The following TERB1 variants were observed in gnomAD, a reference collection of about 807,000 sequenced individuals.
TERB1 encodes the protein telomere repeats-binding bouquet formation protein 1.
In TERB1, 63 loss-of-function variants were observed where a neutral mutation model predicts 92.3. The observed-to-expected ratio is 0.68, with a 90% CI of 0.56 to 0.84. TERB1 has a LOEUF of 0.84. Ranked by LOEUF, TERB1 falls within the 40% of genes least tolerant of loss-of-function variation. TERB1 has a pLI of 0.00. For missense variants in TERB1, 709 were observed against 843.7 expected, an observed-to-expected ratio of 0.84 and a Z score of 1.98; for synonymous variants, 252 against 283.9, an observed-to-expected ratio of 0.89 and a Z score of 1.13.
chr16:66,780,884 G>A (rs984979412), intron 9 of TERB1, among the ~76,000 whole-genome samples: 2 of 152,132 alleles, frequency 1.3e-5, no homozygotes, highest in Non-Finnish European at 2.9e-5. Flanking sequence ...ATGAGTATTC[G>A]TTTCAAACAC....
At chr16:66,784,722 A>T (rs945502537) in intron 9 of TERB1, among the ~76,000 whole-genome samples, 1 of 149,844 alleles carries the variant, frequency 6.7e-6, no homozygotes, top group African/African-American at 2.5e-5. Context: ...GTTTCGCAGC[A>T]TCCCACAGAT....
At chr16:66,773,267 C>T (rs1322885855) in intron 12 of TERB1, among the ~76,000 whole-genome samples, 1 of 152,068 alleles carries the variant, frequency 6.6e-6, no homozygotes, top group Non-Finnish European at 1.5e-5. Flanking sequence ...CCAGGAGGCA[C>T]AAGCTGCAGT....
rs2018114875 is a variant in TERB1 at position 66,755,093 on chromosome 16, C to T, written c.2067G>A (p.Met689Ile). 1 of 1,551,296 alleles carries T rather than the reference C, an allele frequency of 6.4e-7. No homozygotes were observed. The highest frequency in any genetic ancestry group is 8.7e-7 in the Non-Finnish European group (1 of 1,146,644). ...VNYLFNGVKK[M>I]GNHWNSILWS... ...ACAAAATTGAATTCCAGTGATTTCC[C>T]ATTTTCTTAACTCCATTGAAAAGGT... Residue 689 changes from methionine to isoleucine, a missense_variant, in exon 19 of 19, where the codon ATG (methionine) becomes ATA (isoleucine). Coordinates refer to ENST00000433154, the MANE Select transcript of TERB1 (RefSeq NM_001136505.2).
chr16:66,774,088 C>T (rs923703182), intron 12 of TERB1, among the ~76,000 whole-genome samples: 6 of 149,956 alleles, frequency 4.0e-5, no homozygotes, highest in African/African-American at 9.8e-5. Flanking sequence ...TCACCATGTT[C>T]GCCAGGCTGG....
rs1196733672 is a variant in TERB1 at position 66,790,629 on chromosome 16, G to C, written c.237C>G (p.Ala79=). 2 of 1,549,500 alleles carry C rather than the reference G, an allele frequency of 1.3e-6. No homozygotes were observed. Among genetic ancestry groups the C allele is most frequent in the East Asian group, 2.5e-5 (1 of 40,786 alleles). Residue 79 remains alanine (A), a synonymous_variant, in exon 5 of 19, where the codon GCC becomes GCG. Coordinates refer to ENST00000433154, the MANE Select transcript of TERB1 (RefSeq NM_001136505.2). ...CTGCAATAGCTCCTAATGTATATAA[G>C]GCTGCTTCTTTTACCATGCTATGTT... ...SSEHSMVKEA[A]LYTLGAIAEK...
intron 16 of TERB1, among the ~76,000 whole-genome samples, chr16:66,766,118 G>A (rs1346759921): frequency 6.6e-6 from 1 of 151,432 alleles, no homozygotes; most frequent in Non-Finnish European, 1.5e-5. Context: ...TGATCCACCC[G>A]CCTCGGCCTC....
intron 13 of TERB1, among the ~76,000 whole-genome samples, chr16:66,770,874 A>C (rs1245582193): frequency 1.3e-5 from 2 of 152,052 alleles, no homozygotes; most frequent in African/African-American, 4.8e-5. Context: ...TTTTTGAGAC[A>C]GGGTCTTGCT....
At position 66,788,237 on chromosome 16, in the gene TERB1, G is replaced by A; in HGVS notation, c.332C>T (p.Ser111Phe). ...TTTCAAATTTATGTTTGAATCATTAGATAAGAACCAAGTTAAGTCTTCAAA... is the reference window on the plus strand; with the variant it reads ...TTTCAAATTTATGTTTGAATCATTAAATAAGAACCAAGTTAAGTCTTCAAA... ...ELFEDLTWFL[S>F]NDSNINLKRM... Residue 111 changes from serine to phenylalanine, a missense_variant, in exon 6 of 19, where the codon TCT becomes TTT. Ser to Phe is a radical substitution (Grantham distance 155). Transcript: ENST00000433154. The A allele has an allele frequency of 6.6e-7, 1 of 1,511,922 alleles. No homozygotes were observed. Among genetic ancestry groups the A allele is most frequent in the Non-Finnish European group, 8.8e-7 (1 of 1,129,994 alleles). 93.7% of individuals were successfully genotyped at this position (1,511,922 alleles called of 1,614,324 possible).
intron 11 of TERB1, among the ~76,000 whole-genome samples, chr16:66,776,606 T>A: frequency 2.1e-5 from 3 of 145,854 alleles, no homozygotes; most frequent in Non-Finnish European, 3.0e-5. Context: ...AAAGTGAGAG[T>A]GGAAAGAGCA....
rs750954499 is a variant in TERB1, at chr16:66,759,184, G to C, written c.1887C>G (p.Asp629Glu). The C allele has an allele frequency of 2.1e-5, 33 of 1,550,168 alleles. No individual in the cohort carries two copies. In the Admixed American group the frequency reaches 5.5e-4, roughly 26 times the overall value. ...DRHKVIVEAE[D>E]RYKSELRKSL... ...ATTTCCTTAGTTCACTTTTATATCTGTCTTCAGCTTCCACAATGACTTTGT... is the reference window on the plus strand; with the variant it reads ...ATTTCCTTAGTTCACTTTTATATCTCTCTTCAGCTTCCACAATGACTTTGT... Residue 629 changes from aspartate to glutamate, a missense_variant, in exon 17 of 19, where the codon GAC becomes GAG. By Grantham distance (45) the Asp-to-Glu change is conservative (BLOSUM62 2). Coordinates refer to ENST00000433154, the MANE Select transcript of TERB1 (RefSeq NM_001136505.2).
chr16:66,778,007 A>G (rs187550766), intron 10 of TERB1, among the ~76,000 whole-genome samples: 275 of 152,320 alleles, frequency 1.8e-3, no homozygotes, highest in Non-Finnish European at 3.5e-3. Flanking sequence ...GCAGGTCCTC[A>G]ATAACCACTT....
At chr16:66,759,058 A>G (rs1455115822) in intron 17 of TERB1, 83 bp downstream of exon 17, 3 of 1,200,496 alleles carry the variant, frequency 2.5e-6, no homozygotes, top group African/African-American at 3.1e-5. Context: ...TTTATCCTCT[A>G]GTTTTTAATA....
intron 16 of TERB1, among the ~76,000 whole-genome samples, chr16:66,761,109 C>CAAAAA (rs34199990): frequency 1.7e-4 from 12 of 70,480 alleles, no homozygotes; most frequent in Admixed American, 3.4e-4. Context: ...GACTCCACCT[C>CAAAAA]AAAAAAAAAA....
rs1178811245 is a variant in TERB1, at chr16:66,788,174, T to G, written c.395A>C (p.Asn132Thr). Residue 132 changes from asparagine (N) to threonine (T), a missense_variant, in exon 6 of 19, where the codon AAT (asparagine) becomes ACT (threonine). Physicochemically the swap from Asn to Thr is moderately conservative, Grantham distance 65. Transcript: ENST00000433154. ...SVYVILVLVSNNRTGQTLVRE... is the reference protein window; with the variant it reads ...SVYVILVLVSTNRTGQTLVRE... Reference sequence around the variant, plus strand: ...TCATAAGAGAATGTACTTACTATTATTTGAAACCAGAACCAAAATAACATA... The same window carrying G: ...TCATAAGAGAATGTACTTACTATTAGTTGAAACCAGAACCAAAATAACATA... 1 of 1,465,486 alleles carries G rather than the reference T, an allele frequency of 6.8e-7. No individual in the cohort carries two copies. Among genetic ancestry groups the G allele is most frequent in the African/African-American group, 1.5e-5 (1 of 68,552 alleles). The allele number at this position is 1,465,486 out of a possible 1,614,324, so 90.8% of individuals were successfully genotyped here. A position where few individuals can be genotyped will look rare whatever the true frequency, so the allele number is the denominator to read the frequency against.
At chr16:66,761,603 C>T (rs2018251709) in intron 16 of TERB1, among the ~76,000 whole-genome samples, 2 of 150,082 alleles carry the variant, frequency 1.3e-5, no homozygotes, top group Non-Finnish European at 3.0e-5. Context: ...CCATCCTGGG[C>T]AACATAGTGA....
intron 3 of TERB1, among the ~76,000 whole-genome samples, chr16:66,792,028 T>C (rs1457012766): frequency 6.6e-6 from 1 of 151,974 alleles, no homozygotes; most frequent in Non-Finnish European, 1.5e-5. Context: ...ATGCAAAAAG[T>C]CTAAACAATT....
intron 15 of TERB1, among the ~76,000 whole-genome samples, chr16:66,767,860 T>C (rs2018376649): frequency 6.6e-6 from 1 of 152,076 alleles, no homozygotes. Context: ...CCAGAGTAGC[T>C]GGGATTACAG....
chr16:66,756,432 C>T (rs1307554397), intron 18 of TERB1, among the ~76,000 whole-genome samples: 2 of 152,206 alleles, frequency 1.3e-5, no homozygotes, highest in African/African-American at 4.8e-5. Context: ...ATTTTATTCA[C>T]CATTGTATCC....
At position 66,754,983 on chromosome 16, in the gene TERB1, G is replaced by T. The variant is rs4523917; in HGVS notation, c.2177C>A (p.Ala726Asp). 22 of 1,548,002 alleles carry T rather than the reference G, an allele frequency of 1.4e-5. No individual in the cohort carries two copies. In the South Asian group the frequency reaches 2.4e-4, roughly 17 times the overall value. The stretch of plus-strand genomic sequence containing the variant: ...CTGACAGTCTTCTTTCAATCAAGAA[G>T]CTGCACACGTGGGGTGTTTGGTCAG... Reference protein sequence around the residue: ...HKLTKHPTCAAS With the variant: ...HKLTKHPTCADS The change falls in exon 19 of 19, where the codon GCT (alanine) becomes GAT (aspartate). Residue 726 changes from alanine to aspartate, a missense_variant. By Grantham distance (126) the Ala-to-Asp change is moderately radical. Coordinates refer to ENST00000433154, the MANE Select transcript of TERB1 (RefSeq NM_001136505.2).
Sources: gnomAD v4.1 joint callset for allele counts (sites outside exome capture counted in the v4.1 genomes callset) on GRCh38, gnomAD v4.1.1 for gene constraint, MANE v1.5 for transcripts, NCBI Gene and HGNC (gene_info 2026-07-23, HGNC 2026-07-21) for gene names.